PDE10A: variants seen among roughly 807,000 people sequenced by gnomAD.
PDE10A encodes phosphodiesterase 10A.
PDE10A carries 39 observed loss-of-function variants against 97.7 expected under a neutral mutation model. That is an observed-to-expected ratio of 0.40 (90% CI 0.31 to 0.52). PDE10A has a LOEUF of 0.52. Among genes scored for constraint, PDE10A ranks in the 20% least tolerant of loss-of-function variants. The pLI, the probability that PDE10A is intolerant of heterozygous loss-of-function variation, is 0.56. For synonymous variants in PDE10A, 371 were observed against 376.8 expected (o/e 0.98, Z 0.18); for missense variants, 731 against 1,047.8 (o/e 0.70, Z 4.17).
chr6:165,569,246 G>A (rs755682409), intron 1 of PDE10A, among the ~76,000 whole-genome samples: 11 of 152,106 alleles, frequency 7.2e-5, no homozygotes, highest in Non-Finnish European at 1.0e-4. Flanking sequence ...ATTGTTGTAG[G>A]GGCCTTTTTT....
chr6:165,841,386 GT>G (rs1780254751), intron 1 of PDE10A, among the ~76,000 whole-genome samples: 1 of 152,212 alleles, frequency 6.6e-6, no homozygotes, highest in African/African-American at 2.4e-5. Flanking sequence ...ACCAGGGTGG[GT>G]TTTTCTCGCT....
Position 165,655,879 on chromosome 6 carries a change from C to T in PDE10A, c.865+6068G>A, listed in dbSNP as rs1421148671. Among the ~76,000 whole-genome samples the T allele has an allele frequency of 1.3e-5, 2 of 152,114 alleles. No individual in the cohort carries two copies. Among genetic ancestry groups the T allele is most frequent in the Admixed American group, 6.5e-5 (1 of 15,276 alleles). ...CACGGCCGTCACCCCGCTCCTCTGC[C>T]TTGTGAGCCCCCTCTGCCTAGGGTG... On this transcript the variant is annotated intron_variant, in intron 1 of 21. Transcript: ENST00000539869. The surrounding 1 kb of genome is among the most constrained non-coding windows in gnomAD (Gnocchi z 4.5).
At chr6:165,508,271 T>C (rs1038125643) in intron 2 of PDE10A, among the ~76,000 whole-genome samples, 1 of 152,068 alleles carries the variant, frequency 6.6e-6, no homozygotes, top group Non-Finnish European at 1.5e-5. Flanking sequence ...TCACTGTATA[T>C]TACATTGCAT....
intron 13 of PDE10A, among the ~76,000 whole-genome samples, chr6:165,409,940 T>G (rs1273909866): frequency 6.6e-6 from 1 of 151,730 alleles, no homozygotes; most frequent in Non-Finnish European, 1.5e-5. Flanking sequence ...CCAGGTATTA[T>G]GATACCACAA....
intron 5 of PDE10A, among the ~76,000 whole-genome samples, chr6:165,446,929 T>C (rs1370171694): frequency 6.6e-6 from 1 of 152,058 alleles, no homozygotes; most frequent in Admixed American, 6.6e-5. Flanking sequence ...AAGAGGATAT[T>C]GTACCAGTCC....
chr6:165,987,832 C>T (rs188258131), exon 1 of PDE10A: 184 of 420,394 alleles, frequency 4.4e-4, no homozygotes, highest in African/African-American at 3.5e-3. Flanking sequence ...TCCTTCCCTC[C>T]TTTCCATCTG....
At chr6:165,373,301 A>C (rs889978005) in intron 18 of PDE10A, among the ~76,000 whole-genome samples, 13 of 152,104 alleles carry the variant, frequency 8.5e-5, no homozygotes, top group African/African-American at 1.4e-4. Flanking sequence ...CAACCTACAA[A>C]ATGGGAGAAA....
intron 1 of PDE10A, among the ~76,000 whole-genome samples, chr6:165,594,490 C>T (rs1194821190): frequency 6.6e-6 from 1 of 151,962 alleles, no homozygotes; most frequent in Non-Finnish European, 1.5e-5. Flanking sequence ...CTTAATGATA[C>T]CCAAAGTGAA....
chr6:165,939,836 T>C (rs1783451947), intron 1 of PDE10A: 1 of 152,224 alleles, frequency 6.6e-6, no homozygotes, highest in Admixed American at 6.5e-5. Context: ...TAAACCCTTT[T>C]GGCTGCTCAC....
rs570655724 is a variant in PDE10A, at chr6:165,970,068, A to T, written c.-615+17461T>A. 5.9e-5 allele frequency among the ~76,000 whole-genome samples: 9 copies of T among 152,340 alleles called. No individual in the cohort carries two copies. The East Asian group carries it at 1.4e-3, about 23-fold the overall frequency. ...AAATGGACACAGCATCATTTTTATG[A>T]TATTTCCCCCAGCAGGCATCACTTC... On this transcript the variant is annotated intron_variant, in intron 1 of 19. Transcript: ENST00000366882.
intron 18 of PDE10A, among the ~76,000 whole-genome samples, chr6:165,359,068 A>G (rs1783218073): frequency 6.6e-6 from 1 of 152,052 alleles, no homozygotes; most frequent in Non-Finnish European, 1.5e-5. Context: ...TGCTGTTTTC[A>G]TATTTAATCA....
intron 1 of PDE10A, among the ~76,000 whole-genome samples, chr6:165,554,827 AT>A (rs1784173880): frequency 6.6e-6 from 1 of 152,220 alleles, no homozygotes; most frequent in Admixed American, 6.5e-5. Context: ...ATGGAGTACT[AT>A]TCAGCCATAA....
chr6:165,393,085 C>T (rs969132621), intron 15 of PDE10A, among the ~76,000 whole-genome samples: 2 of 152,170 alleles, frequency 1.3e-5, no homozygotes, highest in Non-Finnish European at 2.9e-5. Context: ...CACCCGTCAC[C>T]AGCCCTCATG....
intron 3 of PDE10A, among the ~76,000 whole-genome samples, chr6:165,461,811 C>G (rs1236459013): frequency 6.6e-6 from 1 of 152,254 alleles, no homozygotes; most frequent in African/African-American, 2.4e-5. Context: ...AACGCAGATA[C>G]AGCACTACCT....
intron 1 of PDE10A, among the ~76,000 whole-genome samples, chr6:165,628,870 T>A (rs564864097): frequency 6.6e-6 from 1 of 152,348 alleles, no homozygotes; most frequent in African/African-American, 2.4e-5. Flanking sequence ...TGAATTATAA[T>A]GCCTGAATAT....
At chr6:165,747,141 C>T (rs1351232177) in intron 1 of PDE10A, among the ~76,000 whole-genome samples, 5 of 152,110 alleles carry the variant, frequency 3.3e-5, no homozygotes, top group Non-Finnish European at 5.9e-5. Flanking sequence ...AAACTACAAC[C>T]AGAGAAAGTG....
chr6:165,436,258 A>G (rs961237768), intron 5 of PDE10A, among the ~76,000 whole-genome samples: 1 of 152,228 alleles, frequency 6.6e-6, no homozygotes, highest in Non-Finnish European at 1.5e-5. Context: ...TAAGTATTAG[A>G]CAGCCCTCTT....
chr6:165,908,637 G>A (rs917566587), intron 1 of PDE10A, among the ~76,000 whole-genome samples: 2 of 152,196 alleles, frequency 1.3e-5, no homozygotes, highest in African/African-American at 4.8e-5. Flanking sequence ...TATTGTCAGA[G>A]GAGTGGGCAC....
At chr6:165,942,898 G>A (rs2128492994) in intron 1 of PDE10A, among the ~76,000 whole-genome samples, 1 of 152,030 alleles carries the variant, frequency 6.6e-6, no homozygotes, top group South Asian at 2.1e-4. Context: ...GGTAAATTAG[G>A]GAACAATTTG....
Sources: allele counts gnomAD v4.1 joint callset (sites outside exome capture counted in the v4.1 genomes callset), GRCh38; gene constraint gnomAD v4.1.1; non-coding constraint Gnocchi (gnomAD v3.1); transcripts MANE v1.5; gene names NCBI Gene and HGNC (gene_info 2026-07-23, HGNC 2026-07-21).